Variants in DMGDH observed in about 807,000 individuals in gnomAD.
DMGDH encodes the protein dimethylglycine dehydrogenase.
Under a neutral mutation model 95.2 loss-of-function variants are expected in DMGDH, and 76 were observed. The observed-to-expected ratio is 0.80, with a 90% CI of 0.66 to 0.97. The LOEUF (loss-of-function observed/expected upper bound fraction) is 0.97. DMGDH is among the 50% of genes least tolerant of loss of function. DMGDH has a pLI of 0.00. For synonymous variants in DMGDH, 345 were observed against 377.6 expected (o/e 0.91, Z 1.00); for missense variants, 987 against 1,055.0 (o/e 0.94, Z 0.89).
intron 14 of DMGDH, among the ~76,000 whole-genome samples, chr5:79,014,411 A>C (rs1173899295): frequency 6.6e-6 from 1 of 152,244 alleles, no homozygotes; most frequent in Non-Finnish European, 1.5e-5. Context: ...AACAACTATA[A>C]TATAGAGTTT....
At chr5:79,005,038 G>C (rs996731750) in intron 15 of DMGDH, among the ~76,000 whole-genome samples, 1 of 152,130 alleles carries the variant, frequency 6.6e-6, no homozygotes, top group Non-Finnish European at 1.5e-5. Flanking sequence ...AAGTCTTTGG[G>C]TTTGTTTTCT....
At chr5:79,010,047 C>T (rs1753620744) in intron 14 of DMGDH, among the ~76,000 whole-genome samples, 1 of 152,022 alleles carries the variant, frequency 6.6e-6, no homozygotes. Flanking sequence ...ATAGTCTTGG[C>T]TTCTGTTTTT....
At chr5:79,042,608 TAA>T in intron 6 of DMGDH, 127 bp from the exon 7 acceptor site, 1 of 845,580 alleles carries the variant, frequency 1.2e-6, no homozygotes, top group Non-Finnish European at 2.0e-6. Context: ...CATTTTTTGT[TAA>T]AGTCTAAATT....
intron 7 of DMGDH, among the ~76,000 whole-genome samples, chr5:79,039,652 A>G (rs1754450211): frequency 6.6e-6 from 1 of 152,108 alleles, no homozygotes; most frequent in African/African-American, 2.4e-5. Context: ...GCACATGTAT[A>G]CATATGTAAC....
At chr5:79,050,273 A>ATAT (rs1389866153) in intron 5 of DMGDH, among the ~76,000 whole-genome samples, 1 of 20,916 alleles carries the variant, frequency 4.8e-5, no homozygotes, top group African/African-American at 1.6e-4. Flanking sequence ...AAAAAAAAAA[A>ATAT]ATATATATAT....
At chr5:79,056,415 C>T (rs1001881801) in intron 2 of DMGDH, among the ~76,000 whole-genome samples, 2 of 151,780 alleles carry the variant, frequency 1.3e-5, no homozygotes, top group Non-Finnish European at 2.9e-5. Flanking sequence ...TGGTGGCGGG[C>T]ACCTGTAATC....
At chr5:78,998,578 G>C (rs752692762) in intron 15 of DMGDH, among the ~76,000 whole-genome samples, 2 of 152,194 alleles carry the variant, frequency 1.3e-5, no homozygotes, top group Admixed American at 1.3e-4. Context: ...GGCCAGGAGT[G>C]GTGGCTCGTG....
chr5:79,060,453 A>G (rs989952919), intron 2 of DMGDH, among the ~76,000 whole-genome samples: 1 of 152,202 alleles, frequency 6.6e-6, no homozygotes, highest in African/African-American at 2.4e-5. Flanking sequence ...TCACTTTGCA[A>G]GCTGTGCTTT....
At chr5:79,049,723 G>C (rs1754781300) in intron 5 of DMGDH, among the ~76,000 whole-genome samples, 1 of 152,196 alleles carries the variant, frequency 6.6e-6, no homozygotes, top group African/African-American at 2.4e-5. Flanking sequence ...GTCAGATGGA[G>C]ACTGGAGGGA....
At chr5:79,068,987 C>G (rs896457416) in intron 1 of DMGDH, among the ~76,000 whole-genome samples, 1 of 152,188 alleles carries the variant, frequency 6.6e-6, no homozygotes, top group African/African-American at 2.4e-5. Flanking sequence ...AAAACTGTTG[C>G]TACCGACTCC....
chr5:79,054,099 T>G (rs1754947122), intron 4 of DMGDH, 85 bp downstream of exon 4: 1 of 1,489,792 alleles, frequency 6.7e-7, no homozygotes, highest in Non-Finnish European at 9.2e-7. Flanking sequence ...TGTACCAAGT[T>G]TTCTGTTTTT....
At chr5:79,058,147 A>G (rs1207180485) in intron 2 of DMGDH, among the ~76,000 whole-genome samples, 1 of 152,218 alleles carries the variant, frequency 6.6e-6, no homozygotes, top group Non-Finnish European at 1.5e-5. Context: ...AACAATTTAC[A>G]CTACCCTCTT....
At chr5:79,006,949 G>A (rs1753559010) in intron 14 of DMGDH, among the ~76,000 whole-genome samples, 1 of 152,044 alleles carries the variant, frequency 6.6e-6, no homozygotes, top group African/African-American at 2.4e-5. Flanking sequence ...ACCTACACAG[G>A]AAGTTAGAGA....
rs1334075420 is a variant in DMGDH at position 79,005,328 on chromosome 5, A to G, written c.2330T>C (p.Leu777Ser). Residue 777 changes from leucine to serine, a missense_variant, in exon 15 of 16, where the codon TTG becomes TCG. Physicochemically the swap from Leu to Ser is moderately radical, Grantham distance 145 (BLOSUM62 -2). Coordinates refer to ENST00000255189, the MANE Select transcript of DMGDH (RefSeq NM_013391.3). ...GLKRRLVCLT[L>S]ATDDVDPEGN... ...CTCTGGATCAACATCATCCGTTGCC[A>G]AGGTGAGGCAGACCAGTCTTCGTTT... 1.2e-6 allele frequency: 2 copies of G among 1,613,804 alleles called. No individual in the cohort carries two copies. The highest frequency in any genetic ancestry group is 1.7e-6 in the Non-Finnish European group (2 of 1,179,896).
rs976584183 is a variant in DMGDH, at chr5:79,028,594, G to C, written c.1871C>G (p.Thr624Ser). The change falls in exon 12 of 16, where the codon ACT (threonine) becomes AGT (serine). Residue 624 changes from threonine to serine, a missense_variant. Coordinates refer to ENST00000255189, the MANE Select transcript of DMGDH (RefSeq NM_013391.3). ...GGYDVEIKNI[T>S]DELGVLGVAG... Reference sequence around the variant, plus strand: ...AACTCCAAGAACTCCAAGCTCATCAGTTATGTTTTTAATTTCAACATCATA... The same window carrying C: ...AACTCCAAGAACTCCAAGCTCATCACTTATGTTTTTAATTTCAACATCATA... The C allele has an allele frequency of 1.9e-6, 3 of 1,614,024 alleles. No individual in the cohort carries two copies. In the African/African-American group the frequency reaches 4.0e-5, roughly 22 times the overall value.
chr5:79,068,477 A>C (rs1755444800), intron 1 of DMGDH, among the ~76,000 whole-genome samples: 1 of 152,206 alleles, frequency 6.6e-6, no homozygotes, highest in Admixed American at 6.5e-5. Flanking sequence ...GTAAGGTCAC[A>C]TTCTGTGTAA....
chr5:79,064,612 CT>C lies in DMGDH; in HGVS notation c.102-826del, dbSNP rs200050064. Among the ~76,000 whole-genome samples the C allele has an allele frequency of 5.9e-3, 900 of 151,952 alleles. 10 individuals are homozygous for C. The highest frequency in any genetic ancestry group is 0.021 in the African/African-American group (852 of 41,472). On this transcript the variant is annotated intron_variant, in intron 1 of 15. Coordinates refer to ENST00000255189, the MANE Select transcript of DMGDH (RefSeq NM_013391.3). ...TACTGTAACTTCATTATTTTATAAA[CT>C]TTTAAATTTTTTTGATTTTTGTAAT...
chr5:79,051,216 A>C (rs1196081750), intron 5 of DMGDH, 71 bp downstream of exon 5: 1 of 1,505,976 alleles, frequency 6.6e-7, no homozygotes, highest in African/African-American at 1.4e-5. Flanking sequence ...CATCGTACGA[A>C]ACATTACGGC....
At chr5:79,017,760 C>T (rs983987624) in intron 14 of DMGDH, among the ~76,000 whole-genome samples, 2 of 152,182 alleles carry the variant, frequency 1.3e-5, no homozygotes, top group Non-Finnish European at 2.9e-5. Context: ...CACGGATCCA[C>T]TTATATGTGC....
Sources: gnomAD v4.1 joint callset for allele counts (sites outside exome capture counted in the v4.1 genomes callset) on GRCh38, gnomAD v4.1.1 for gene constraint, MANE v1.5 for transcripts, NCBI Gene and HGNC (gene_info 2026-07-23, HGNC 2026-07-21) for gene names.